Variants in PPARA observed in about 807,000 individuals in gnomAD.
PPARA encodes peroxisome proliferator activated receptor alpha.
A neutral mutation model predicts 42.2 loss-of-function variants in PPARA; 22 were observed. That is an observed-to-expected ratio of 0.52 (90% CI 0.37 to 0.74). The LOEUF is 0.74. PPARA is among the 30% of genes least tolerant of loss of function. PPARA has a pLI of 0.00. For synonymous variants in PPARA, 242 were observed against 239.3 expected (o/e 1.01, Z -0.10); for missense variants, 465 against 608.2 (o/e 0.76, Z 2.48).
Position 46,232,753 on chromosome 22 carries a change from A to G in PPARA, c.1159+514A>G, listed in dbSNP as rs1347666064. Among the ~76,000 whole-genome samples the G allele has an allele frequency of 6.6e-6, 1 of 151,536 alleles. No homozygotes were observed. Among genetic ancestry groups the G allele is most frequent in the Non-Finnish European group, 1.5e-5 (1 of 67,918 alleles). On this transcript the variant is annotated intron_variant, in intron 8 of 8. Coordinates refer to ENST00000407236, the MANE Select transcript of PPARA (RefSeq NM_005036.6). The surrounding 1 kb of genome is among the most constrained non-coding windows in gnomAD (Gnocchi z 5.3). The stretch of plus-strand genomic sequence containing the variant: ...CCCTTTGGGAGGCTGAGGTGGGTGG[A>G]TCACTTGAGCCCAGGAGGTTGAGAC...
intron 4 of PPARA, among the ~76,000 whole-genome samples, chr22:46,207,605 T>C (rs1933454356): frequency 6.7e-6 from 1 of 149,058 alleles, no homozygotes; most frequent in African/African-American, 2.4e-5. Flanking sequence ...TAAATGCTTT[T>C]AAGATGTTCC....
Position 46,239,563 on chromosome 22 carries a change from C to T in PPARA, c.*4183C>T, listed in dbSNP as rs1411503841. 6.7e-6 allele frequency: 1 copy of T among 149,756 alleles called. No homozygotes were observed. Among genetic ancestry groups the T allele is most frequent in the East Asian group, 2.0e-4 (1 of 5,108 alleles). The allele number at this position is 149,756 out of a possible 1,614,324, so 9.3% of individuals were successfully genotyped here. On this transcript the variant is annotated 3_prime_UTR_variant, in exon 9 of 9. Transcript: ENST00000407236. The stretch of plus-strand genomic sequence containing the variant: ...TTGAAGATACGTGCAAAAGGTGCTA[C>T]CCCAATTTGGTGAAACTGACATTGG...
Position 46,192,182 on chromosome 22 carries a change from C to G in PPARA, c.-42-6160C>G, listed in dbSNP as rs1204519996. On this transcript the variant is annotated intron_variant, in intron 3 of 8. Transcript: ENST00000407236. The surrounding 1 kb of genome is among the most constrained non-coding windows in gnomAD (Gnocchi z 4.3). The stretch of plus-strand genomic sequence containing the variant: ...TCCCTAGCCTCACAAAGCATACAGT[C>G]TAGTAGGAGAGACAGACACGTAAAA... Among the ~76,000 whole-genome samples the G allele has an allele frequency of 2.6e-5, 4 of 152,178 alleles. No individual in the cohort carries two copies. The highest frequency in any genetic ancestry group is 4.4e-5 in the Non-Finnish European group (3 of 68,034).
chr22:46,226,626 C>T (rs1418880065), intron 7 of PPARA, among the ~76,000 whole-genome samples: 1 of 152,164 alleles, frequency 6.6e-6, no homozygotes, highest in Non-Finnish European at 1.5e-5. Flanking sequence ...TGTAGCTAGA[C>T]TGGCATGCAA....
At chr22:46,215,502 C>T in intron 5 of PPARA, 169 bp downstream of exon 5, 1 of 817,910 alleles carries the variant, frequency 1.2e-6, no homozygotes, top group South Asian at 1.5e-5. Flanking sequence ...CTTTGGGAGA[C>T]CGAGATGGGT....
chr22:46,175,104 T>G (rs1019119455), intron 2 of PPARA, among the ~76,000 whole-genome samples: 2 of 152,042 alleles, frequency 1.3e-5, no homozygotes, highest in African/African-American at 4.8e-5. Flanking sequence ...AGATGGGGTT[T>G]CACCTTGTTG....
In PPARA at chr22:46,173,474, G is replaced by A. The variant is rs1366511451; in HGVS notation, c.-126-3279G>A. 6.6e-6 allele frequency among the ~76,000 whole-genome samples: 1 copy of A among 152,196 alleles called. No homozygotes were observed. Among genetic ancestry groups the A allele is most frequent in the African/African-American group, 2.4e-5 (1 of 41,456 alleles). On this transcript the variant is annotated intron_variant, in intron 2 of 8. Coordinates refer to ENST00000407236, the MANE Select transcript of PPARA (RefSeq NM_005036.6). This position sits in a 1 kb window ranked among gnomAD's most constrained non-coding sequence, Gnocchi z 4.3. The stretch of plus-strand genomic sequence containing the variant: ...TGTGGATTCTTCTATGCAGATATCT[G>A]TCACAATATAAGTTACTATAAGTCA...
rs892994822 is a variant in PPARA at position 46,184,109 on chromosome 22, G to T, written c.-43+7273G>T. 2.0e-5 allele frequency among the ~76,000 whole-genome samples: 3 copies of T among 152,194 alleles called. No individual in the cohort carries two copies. Among genetic ancestry groups the T allele is most frequent in the African/African-American group, 4.8e-5 (2 of 41,444 alleles). On this transcript the variant is annotated intron_variant, in intron 3 of 8. Coordinates refer to ENST00000407236, the MANE Select transcript of PPARA (RefSeq NM_005036.6). The surrounding 1 kb of genome is among the most constrained non-coding windows in gnomAD (Gnocchi z 4.4). ...TAGGATAAGGGCTCAAAAAGTGTTA[G>T]CTGGAACTACTATCATTATCAACAT...
intron 3 of PPARA, among the ~76,000 whole-genome samples, chr22:46,197,717 C>T (rs964023734): frequency 1.3e-5 from 2 of 151,644 alleles, no homozygotes. Context: ...GCCTGGCCAG[C>T]ATGGTAAAAA....
chr22:46,208,421 G>A (rs188828806), intron 4 of PPARA, among the ~76,000 whole-genome samples: 1 of 151,932 alleles, frequency 6.6e-6, no homozygotes, highest in African/African-American at 2.4e-5. Flanking sequence ...GGTGGTACAC[G>A]CCTATAGTCC....
intron 3 of PPARA, among the ~76,000 whole-genome samples, chr22:46,179,459 T>C (rs1467792067): frequency 2.6e-5 from 4 of 152,220 alleles, no homozygotes; most frequent in African/African-American, 9.6e-5. Context: ...GGCAATTTGG[T>C]AGAGAAAGGA....
intron 7 of PPARA, among the ~76,000 whole-genome samples, chr22:46,229,899 C>T (rs1285332526): frequency 6.6e-6 from 1 of 152,170 alleles, no homozygotes; most frequent in Non-Finnish European, 1.5e-5. Context: ...TGATGGTTAT[C>T]GGCACCTCCA....
chr22:46,174,846 T>C (rs1199920043), intron 2 of PPARA, among the ~76,000 whole-genome samples: 1 of 152,102 alleles, frequency 6.6e-6, no homozygotes, highest in Admixed American at 6.5e-5. Context: ...AAATCACTCC[T>C]AATTTTCCTC....
Position 46,191,910 on chromosome 22 carries a change from A to G in PPARA, c.-42-6432A>G, listed in dbSNP as rs1931614368. The stretch of plus-strand genomic sequence containing the variant: ...GTGAAACCTTGTCTCTACTAAAAAT[A>G]CAAAAGTAGCCGGGCGTGGTGGCGC... On this transcript the variant is annotated intron_variant, in intron 3 of 8. Transcript: ENST00000407236. The surrounding 1 kb of genome is among the most constrained non-coding windows in gnomAD (Gnocchi z 4.6). Among the ~76,000 whole-genome samples, 2 of 152,202 alleles carry G rather than the reference A, an allele frequency of 1.3e-5. No homozygotes were observed. The highest frequency in any genetic ancestry group is 4.8e-5 in the African/African-American group (2 of 41,452).
At chr22:46,157,566 G>T (rs1925508741) in intron 2 of PPARA, among the ~76,000 whole-genome samples, 1 of 152,166 alleles carries the variant, frequency 6.6e-6, no homozygotes, top group African/African-American at 2.4e-5. Context: ...ACTAGATTTG[G>T]GGTATATTAT....
chr22:46,199,689 T>C (rs1252098670), intron 4 of PPARA, among the ~76,000 whole-genome samples: 2 of 152,160 alleles, frequency 1.3e-5, no homozygotes, highest in African/African-American at 4.8e-5. Context: ...ACAAGCTTAA[T>C]GAATATTTTT....
Position 46,231,322 on chromosome 22 carries a change from C to T in PPARA, c.712-470C>T, listed in dbSNP as rs1037885612. Reference sequence around the variant, plus strand: ...CAAGCTCTGCCTCCTGGGTTCACGCCATTCTCCTGCCTCAGCCTCCCGAGT... The same window carrying T: ...CAAGCTCTGCCTCCTGGGTTCACGCTATTCTCCTGCCTCAGCCTCCCGAGT... On this transcript the variant is annotated intron_variant, in intron 7 of 8. Coordinates refer to ENST00000407236, the MANE Select transcript of PPARA (RefSeq NM_005036.6). The surrounding 1 kb of genome is among the most constrained non-coding windows in gnomAD (Gnocchi z 7.7). 6.6e-6 allele frequency among the ~76,000 whole-genome samples: 1 copy of T among 151,774 alleles called. No individual in the cohort carries two copies. The highest frequency in any genetic ancestry group is 1.5e-5 in the Non-Finnish European group (1 of 67,948).
chr22:46,169,017 A>G (rs73460625), intron 2 of PPARA, among the ~76,000 whole-genome samples: 5,221 of 152,006 alleles, frequency 0.034, 319 homozygotes, highest in African/African-American at 0.12. Flanking sequence ...AGTGGTTGCC[A>G]GGGGCTCATG....
At chr22:46,189,940 C>T (rs558889792) in intron 3 of PPARA, among the ~76,000 whole-genome samples, 18 of 152,158 alleles carry the variant, frequency 1.2e-4, no homozygotes, top group East Asian at 3.9e-4. Context: ...CTCTTGACCT[C>T]GTGATCCGCC....
Sources: gnomAD v4.1 joint callset for allele counts (sites outside exome capture counted in the v4.1 genomes callset) on GRCh38, gnomAD v4.1.1 for gene constraint, Gnocchi (gnomAD v3.1) non-coding constraint, MANE v1.5 for transcripts, NCBI Gene and HGNC (gene_info 2026-07-23, HGNC 2026-07-21) for gene names.